Variants in SUN3 observed in about 807,000 individuals in gnomAD.
The protein encoded by SUN3 is Sad1 and UNC84 domain containing 3.
SUN3 carries 36 observed loss-of-function variants against 48.2 expected under a neutral mutation model. That is an observed-to-expected ratio of 0.75 (90% CI 0.57 to 0.99). The LOEUF is 0.99. Ranked by LOEUF, SUN3 falls within the 50% of genes least tolerant of loss-of-function variation. The probability of loss-of-function intolerance (pLI) is 0.00; values close to 1 mark genes in which losing one functional copy is unlikely to be tolerated. For synonymous variants in SUN3, 148 were observed against 147.9 expected, an observed-to-expected ratio of 1.00 and a Z score of 0.00; for missense variants, 419 against 433.1, an observed-to-expected ratio of 0.97 and a Z score of 0.29.
intron 6 of SUN3, among the ~76,000 whole-genome samples, chr7:48,004,988 C>T (rs1789484061): frequency 6.6e-6 from 1 of 152,200 alleles, no homozygotes; most frequent in Non-Finnish European, 1.5e-5. Flanking sequence ...CATTTGTTTC[C>T]ACATCTATGG....
rs111801967 is a variant in SUN3, at chr7:47,999,980, T to C, written c.578-3834A>G. On this transcript the variant is annotated intron_variant, in intron 6 of 9. Transcript: ENST00000297325. ...TATAAAATCTTTACATTTATAGATG[T>C]CCATTAAATCTCACCCACTGACTTT... The C allele has an allele frequency of 3.0e-3, 456 of 152,366 alleles. 6 individuals are homozygous for C. The highest frequency in any genetic ancestry group is 0.01 in the African/African-American group (424 of 41,584). 9.4% of individuals were successfully genotyped at this position (152,366 alleles called of 1,614,324 possible).
rs61746446 is a variant in SUN3 at position 48,005,970 on chromosome 7, G to A, written c.576C>T (p.Ala192=). 5.4e-4 allele frequency: 859 copies of A among 1,603,166 alleles called. 12 individuals are homozygous for A. In the African/African-American group the frequency reaches 9.8e-3, roughly 18 times the overall value. The change falls in exon 6 of 10, where the codon GCC becomes GCT. Residue 192 remains alanine, a splice_region_variant and synonymous_variant. Transcript: ENST00000297325. ...VEMADYALKS[A]GASIIEAGTS... is the part of the protein sequence containing the mutation. ...TCTTTTCACTTTTTCTGTACTCACC[G>A]GCCGACTTCAGGGCATAATCAGCCA...
chr7:48,028,258 G>A (rs867251744), intron 1 of SUN3, among the ~76,000 whole-genome samples: 9 of 151,968 alleles, frequency 5.9e-5, no homozygotes, highest in Middle Eastern at 3.4e-3. Flanking sequence ...TGGGCAGGGC[G>A]TTTGTAAATA....
At chr7:48,035,777 G>A in the SUN3 span, 2 of 583,308 alleles carry the variant, frequency 3.4e-6, no homozygotes, top group Non-Finnish European at 6.1e-6. The surrounding 1 kb of genome is among the most constrained non-coding windows in gnomAD (Gnocchi z 4.0). Flanking sequence ...AGCACAGGGC[G>A]GGATCTCCAA....
intron 2 of SUN3, among the ~76,000 whole-genome samples, chr7:48,018,064 T>C (rs2128781068): frequency 6.6e-6 from 1 of 152,310 alleles, no homozygotes; most frequent in East Asian, 1.9e-4. Context: ...TTTCTAGGAC[T>C]GGACGCATGT....
chr7:48,013,413 C>T (rs115192010), intron 3 of SUN3, among the ~76,000 whole-genome samples: 1,649 of 152,166 alleles, frequency 0.011, 18 homozygotes, highest in African/African-American at 0.037. Flanking sequence ...GAATATGAGG[C>T]GATATATCCA....
chr7:48,025,913 G>A lies in SUN3; in HGVS notation c.148C>T (p.Leu50=). Residue 50 remains leucine (L), a synonymous_variant, in exon 2 of 10, where the codon CTA becomes TTA. Coordinates refer to ENST00000297325, the MANE Select transcript of SUN3 (RefSeq NM_001030019.2). ...NGVTRSWKII[L]STMLTLTFLL... Reference sequence around the variant, plus strand: ...AAAGTCAGTGTAAGCATTGTACTTAGAATAATCTTCCATGATCGAGTTACC... The same window carrying A: ...AAAGTCAGTGTAAGCATTGTACTTAAAATAATCTTCCATGATCGAGTTACC... 6.2e-7 allele frequency: 1 copy of A among 1,602,536 alleles called. No homozygotes were observed. The highest frequency in any genetic ancestry group is 2.2e-5 in the East Asian group (1 of 44,776).
intron 6 of SUN3, among the ~76,000 whole-genome samples, chr7:48,002,697 A>C (rs1789419738): frequency 6.6e-6 from 1 of 152,104 alleles, no homozygotes. Flanking sequence ...TACTCCATTG[A>C]TAGTTTCTTT....
rs768368328 is a variant in SUN3, at chr7:48,009,075, C to T, written c.289G>A (p.Ala97Thr). Residue 97 changes from alanine to threonine, a missense_variant and splice_region_variant, in exon 4 of 10, where the codon GCC (alanine) becomes ACC (threonine). Ala to Thr is a moderately conservative substitution (Grantham distance 58). Coordinates refer to ENST00000297325, the MANE Select transcript of SUN3 (RefSeq NM_001030019.2). ...TGCTCTTTAGGCATACGAAGTCTGG[C>T]CTGAAAACAACAGAAAAAGATAAAT... Reference protein sequence around the residue: ...EYGSRLYKYQARLRMPKEQLE... With the variant: ...EYGSRLYKYQTRLRMPKEQLE... 2 of 1,610,966 alleles carry T rather than the reference C, an allele frequency of 1.2e-6. No individual in the cohort carries two copies. Among genetic ancestry groups the T allele is most frequent in the East Asian group, 2.2e-5 (1 of 44,816 alleles).
upstream of SUN3, among the ~76,000 whole-genome samples, chr7:48,031,400 A>G (rs192693798): frequency 4.6e-5 from 7 of 152,324 alleles, no homozygotes; most frequent in African/African-American, 1.7e-4. Context: ...ACAAAGTGGT[A>G]CACGCCTGTA....
At chr7:48,008,578 G>A (rs2128777254) in intron 4 of SUN3, among the ~76,000 whole-genome samples, 1 of 152,226 alleles carries the variant, frequency 6.6e-6, no homozygotes, top group East Asian at 1.9e-4. Flanking sequence ...ATTTTGTCAA[G>A]GAATGCTCCA....
chr7:47,988,454 C>T (rs1178712047), intron 9 of SUN3, among the ~76,000 whole-genome samples: 3 of 152,058 alleles, frequency 2.0e-5, no homozygotes, highest in Non-Finnish European at 2.9e-5. Context: ...ATCTTCCTCC[C>T]CTATACTCAA....
Position 48,006,025 on chromosome 7 carries a change from A to G in SUN3, c.521T>C (p.Leu174Pro), listed in dbSNP as rs115042949. 2 of 1,613,020 alleles carry G rather than the reference A, an allele frequency of 1.2e-6. No homozygotes were observed. The highest frequency in any genetic ancestry group is 1.7e-6 in the Non-Finnish European group (2 of 1,179,528). The part of the protein sequence containing the change: ...EEVSNLVNYV[L>P]KKLREDQVEM... ...GACTTGGTCTTCTCTCAACTTTTTAAGTACATAATTGACCAAGTTTGACAC... is the reference window on the plus strand; with the variant it reads ...GACTTGGTCTTCTCTCAACTTTTTAGGTACATAATTGACCAAGTTTGACAC... Residue 174 changes from leucine to proline, a missense_variant, in exon 6 of 10, where the codon CTT becomes CCT. By Grantham distance (98) the Leu-to-Pro change is moderately conservative (BLOSUM62 -3). Transcript: ENST00000297325.
Position 48,028,970 on chromosome 7 carries a change from G to C in SUN3, c.-32C>G. 6.2e-7 allele frequency: 1 copy of C among 1,613,044 alleles called. No homozygotes were observed. The highest frequency in any genetic ancestry group is 8.5e-7 in the Non-Finnish European group (1 of 1,179,544). On this transcript the variant is annotated 5_prime_UTR_variant, in exon 1 of 10. In the 5' UTR this introduces an upstream ATG that the reference lacks. Transcript: ENST00000297325. ...CTACCAAAGAACAAACAGCTGGTAG[G>C]ATGAAGAGCAACATTTGTCCTCATT...
chr7:48,009,170 G>A, intron 3 of SUN3, 95 bp from the exon 4 acceptor site: 1 of 1,224,910 alleles, frequency 8.2e-7, no homozygotes, highest in Non-Finnish European at 1.2e-6. Context: ...ATAGCACATT[G>A]ACTCCTGATA....
intron 8 of SUN3, among the ~76,000 whole-genome samples, chr7:47,991,225 C>A (rs1342025039): frequency 6.6e-6 from 1 of 152,136 alleles, no homozygotes; most frequent in Non-Finnish European, 1.5e-5. Flanking sequence ...CCTTTTATCA[C>A]CTTGTTTTAA....
At chr7:48,005,479 T>G (rs1054987624) in intron 6 of SUN3, among the ~76,000 whole-genome samples, 1 of 152,200 alleles carries the variant, frequency 6.6e-6, no homozygotes, top group Admixed American at 6.5e-5. Flanking sequence ...GAACACATAT[T>G]GTCCATAGAC....
intron 6 of SUN3, among the ~76,000 whole-genome samples, chr7:48,000,776 T>C (rs1341692687): frequency 1.1e-4 from 17 of 152,106 alleles, no homozygotes; most frequent in Admixed American, 1.1e-3. Flanking sequence ...TCTTTGATTT[T>C]GAGCAATTTA....
intron 7 of SUN3, among the ~76,000 whole-genome samples, chr7:47,995,665 C>T (rs532211739): frequency 2.2e-4 from 34 of 152,242 alleles, no homozygotes; most frequent in African/African-American, 8.2e-4. Context: ...AGTACTGGCA[C>T]TTAGGAGACA....
Sources: allele counts gnomAD v4.1 joint callset (sites outside exome capture counted in the v4.1 genomes callset), GRCh38; gene constraint gnomAD v4.1.1; non-coding constraint Gnocchi (gnomAD v3.1); transcripts MANE v1.5; gene names NCBI Gene and HGNC (gene_info 2026-07-23, HGNC 2026-07-21).